Variants in CERS6 observed in about 807,000 individuals in gnomAD.
CERS6 encodes the protein LAG1 homolog, ceramide synthase 6.
Under a neutral mutation model 56.8 loss-of-function variants are expected in CERS6, and 26 were observed. The ratio of observed to expected loss-of-function variants is 0.46; its 90% CI spans 0.34 to 0.63. The LOEUF (loss-of-function observed/expected upper bound fraction) is 0.63, where lower values mean the gene tolerates loss of function less well. CERS6 is among the 30% of genes least tolerant of loss of function. The probability of loss-of-function intolerance (pLI) is 0.01; values close to 1 mark genes in which losing one functional copy is unlikely to be tolerated. For synonymous variants in CERS6, 164 were observed against 173.3 expected, an observed-to-expected ratio of 0.95 and a Z score of 0.42; for missense variants, 415 against 467.5, an observed-to-expected ratio of 0.89 and a Z score of 1.04.
intron 4 of CERS6, among the ~76,000 whole-genome samples, chr2:168,647,796 T>A (rs1309539627): frequency 1.3e-5 from 2 of 152,254 alleles, no homozygotes; most frequent in African/African-American, 4.8e-5. Flanking sequence ...TAGTTCTGTT[T>A]ATGTGATGGA....
At chr2:168,605,993 A>G (rs1281760684) in intron 3 of CERS6, among the ~76,000 whole-genome samples, 2 of 152,180 alleles carry the variant, frequency 1.3e-5, no homozygotes, top group Non-Finnish European at 2.9e-5. Context: ...GCCTAGCATT[A>G]CTGTGAGAAG....
intron 6 of CERS6, among the ~76,000 whole-genome samples, chr2:168,699,482 C>G (rs1254130145): frequency 2.0e-5 from 3 of 152,200 alleles, no homozygotes; most frequent in Non-Finnish European, 2.9e-5. Flanking sequence ...ATGCATGCCT[C>G]AGACTTCTAG....
intron 1 of CERS6, among the ~76,000 whole-genome samples, chr2:168,498,188 T>C (rs554269017): frequency 8.5e-5 from 13 of 152,246 alleles, no homozygotes; most frequent in African/African-American, 3.1e-4. Context: ...TTTTCTAAGG[T>C]TATTGATAAC....
chr2:168,735,468 G>A (rs1683683456), intron 8 of CERS6, among the ~76,000 whole-genome samples: 1 of 152,102 alleles, frequency 6.6e-6, no homozygotes, highest in African/African-American at 2.4e-5. Flanking sequence ...TTTAGATTGT[G>A]GAAATATAAT....
At chr2:168,635,059 T>A (rs898271596) in intron 4 of CERS6, among the ~76,000 whole-genome samples, 8 of 152,214 alleles carry the variant, frequency 5.3e-5, no homozygotes, top group African/African-American at 1.9e-4. Context: ...CCAGTTAATT[T>A]ACCTCGAGTG....
intron 8 of CERS6, among the ~76,000 whole-genome samples, chr2:168,725,219 C>T (rs1683315785): frequency 6.6e-6 from 1 of 152,272 alleles, no homozygotes; most frequent in South Asian, 2.1e-4. Flanking sequence ...CCCACGCCCA[C>T]CCGGAACTCC....
intron 4 of CERS6, among the ~76,000 whole-genome samples, chr2:168,646,319 T>C (rs1406355837): frequency 6.6e-6 from 1 of 152,220 alleles, no homozygotes; most frequent in Non-Finnish European, 1.5e-5. Context: ...TTTCATATGC[T>C]TGTTGGCCAC....
At chr2:168,745,769 C>T (rs1684080838) in intron 8 of CERS6, among the ~76,000 whole-genome samples, 1 of 152,174 alleles carries the variant, frequency 6.6e-6, no homozygotes, top group Non-Finnish European at 1.5e-5. Context: ...ATGTCCATCT[C>T]CCCCAGAGTC....
Position 168,770,088 on chromosome 2 carries a change from C to T in CERS6, c.*426C>T, listed in dbSNP as rs1255122342. 5.1e-6 allele frequency: 1 copy of T among 194,568 alleles called. No homozygotes were observed. Among genetic ancestry groups the T allele is most frequent in the Non-Finnish European group, 1.0e-5 (1 of 96,828 alleles). 12.1% of individuals were successfully genotyped at this position (194,568 alleles called of 1,614,324 possible). On this transcript the variant is annotated 3_prime_UTR_variant, in exon 10 of 10. Coordinates refer to ENST00000305747, the MANE Select transcript of CERS6 (RefSeq NM_203463.3). ...ACTTTGTCACTTAGAGCAAGCAAAA[C>T]CCAGTGCAAGAGTCTCGTTCAGCTC...
intron 4 of CERS6, among the ~76,000 whole-genome samples, chr2:168,640,008 G>A (rs1411520669): frequency 6.6e-6 from 1 of 152,104 alleles, no homozygotes; most frequent in Non-Finnish European, 1.5e-5. Flanking sequence ...GCACAGACAA[G>A]GTGACCATTT....
intron 3 of CERS6, among the ~76,000 whole-genome samples, chr2:168,617,716 G>A (rs1242315983): frequency 6.6e-6 from 1 of 152,134 alleles, no homozygotes; most frequent in Non-Finnish European, 1.5e-5. Context: ...CCAATAACAA[G>A]CAGTGAGATT....
rs568769260 is a variant in CERS6 at position 168,547,587 on chromosome 2, A to G, written c.171-9A>G. 1.3e-6 allele frequency: 2 copies of G among 1,586,840 alleles called. No individual in the cohort carries two copies. The highest frequency in any genetic ancestry group is 1.3e-5 in the African/African-American group (1 of 74,122). ...TGACCTTCTACTTTTTTCTTTTTGT[A>G]ATTTTTAGATTTGTAGCCAAACCGT... On this transcript the variant is annotated splice_polypyrimidine_tract_variant and intron_variant, in intron 1 of 9. Coordinates refer to ENST00000305747, the MANE Select transcript of CERS6 (RefSeq NM_203463.3).
intron 3 of CERS6, among the ~76,000 whole-genome samples, chr2:168,630,717 G>A (rs559462838): frequency 2.2e-4 from 33 of 152,154 alleles, no homozygotes; most frequent in African/African-American, 7.9e-4. Context: ...TCACATGTTG[G>A]AGAATGAGAA....
intron 4 of CERS6, among the ~76,000 whole-genome samples, chr2:168,679,109 C>T (rs1267032160): frequency 6.6e-6 from 1 of 151,352 alleles, no homozygotes; most frequent in South Asian, 2.1e-4. Flanking sequence ...TGATCTTATT[C>T]GTGTGGGATC....
intron 3 of CERS6, among the ~76,000 whole-genome samples, chr2:168,576,515 T>C (rs1007617415): frequency 1.3e-5 from 2 of 152,218 alleles, no homozygotes; most frequent in Non-Finnish European, 2.9e-5. Context: ...TTTATATTTC[T>C]ATTTCTTTCC....
chr2:168,752,285 G>GTT (rs1684293343), intron 8 of CERS6, among the ~76,000 whole-genome samples: 1 of 146,976 alleles, frequency 6.8e-6, no homozygotes, highest in Non-Finnish European at 1.5e-5. Flanking sequence ...ATAAATGTGT[G>GTT]TGTGTGTGTG....
chr2:168,676,183 T>C (rs1222938882), intron 4 of CERS6, among the ~76,000 whole-genome samples: 2 of 152,202 alleles, frequency 1.3e-5, no homozygotes, highest in Admixed American at 6.5e-5. Context: ...TTAATGTGTT[T>C]TCCAGAAAAC....
intron 3 of CERS6, among the ~76,000 whole-genome samples, chr2:168,603,295 C>A (rs931608641): frequency 6.6e-6 from 1 of 152,122 alleles, no homozygotes; most frequent in African/African-American, 2.4e-5. Flanking sequence ...CATGGAATAA[C>A]CCTGAGTGAC....
At chr2:168,761,623 G>A (rs1684583261) in intron 8 of CERS6, among the ~76,000 whole-genome samples, 1 of 152,036 alleles carries the variant, frequency 6.6e-6, no homozygotes, top group African/African-American at 2.4e-5. Context: ...CATATTTATT[G>A]GATTGTTGGA....
Sources: allele counts gnomAD v4.1 joint callset (sites outside exome capture counted in the v4.1 genomes callset), GRCh38; gene constraint gnomAD v4.1.1; transcripts MANE v1.5; gene names NCBI Gene and HGNC (gene_info 2026-07-23, HGNC 2026-07-21).